INTS6: variants seen among roughly 807,000 people sequenced by gnomAD.
INTS6 encodes DEAD box protein.
INTS6 carries 16 observed loss-of-function variants against 104.9 expected under a neutral mutation model. The observed-to-expected ratio is 0.15, with a 90% CI of 0.10 to 0.23. The LOEUF (loss-of-function observed/expected upper bound fraction) is 0.23. INTS6 is among the 10% of genes least tolerant of loss of function. The pLI is 1.00. For missense variants in INTS6, 584 were observed against 1,062.8 expected (o/e 0.55, Z 6.26); for synonymous variants, 324 against 358.7 (o/e 0.90, Z 1.09).
At chr13:51,383,266 G>A in intron 9 of INTS6, 63 bp downstream of exon 9, 1 of 1,407,248 alleles carries the variant, frequency 7.1e-7, no homozygotes, top group Non-Finnish European at 9.6e-7. Flanking sequence ...AAACTACAAA[G>A]AAATGCGCTT....
At chr13:51,402,077 C>G (rs1956450773) in intron 4 of INTS6, among the ~76,000 whole-genome samples, 1 of 152,114 alleles carries the variant, frequency 6.6e-6, no homozygotes, top group African/African-American at 2.4e-5. Context: ...CCCCTAGTTA[C>G]TCTTCATACA....
chr13:51,415,718 TAG>T (rs1418420141), intron 4 of INTS6, among the ~76,000 whole-genome samples: 1 of 152,160 alleles, frequency 6.6e-6, no homozygotes, highest in Non-Finnish European at 1.5e-5. Flanking sequence ...AATGGAGTAG[TAG>T]AGTAATATAT....
At position 51,378,375 on chromosome 13, in the gene INTS6, C is replaced by A. The variant is rs373162022; in HGVS notation, c.1466G>T (p.Arg489Leu). Residue 489 changes from arginine to leucine, a missense_variant, in exon 12 of 18, where the codon CGA becomes CTA. Around this residue, in one of 5 missense-constraint regions of INTS6, gnomAD observed 74 missense variants for 64.4 expected, o/e 1.15. Transcript: ENST00000311234. Reference protein sequence around the residue: ...VQETGIKVRSRSHGLSMAYRK... With the variant: ...VQETGIKVRSLSHGLSMAYRK... ...ATATGCCATTGATAAACCATGTGAT[C>A]GGCTCCGGACTTTTATTCCAGTCTC... The A allele has an allele frequency of 4.3e-6, 7 of 1,613,218 alleles. No individual in the cohort carries two copies. The highest frequency in any genetic ancestry group is 2.2e-5 in the East Asian group (1 of 44,838).
the INTS6 span, chr13:51,348,671 C>A: frequency 3.5e-5 from 9 of 258,836 alleles, no homozygotes; most frequent in East Asian, 5.6e-4. Flanking sequence ...TCTGCCTTCA[C>A]TGGGCTGGAA....
intron 2 of INTS6, 113 bp downstream of exon 2, chr13:51,451,865 C>A: frequency 1.7e-6 from 1 of 598,778 alleles, no homozygotes; most frequent in Non-Finnish European, 2.8e-6. Flanking sequence ...CGGCTGGGAG[C>A]GCAGCGGGTG....
intron 3 of INTS6, chr13:51,444,318 T>C (rs1593776912): frequency 7.2e-6 from 1 of 139,274 alleles, no homozygotes; most frequent in South Asian, 2.4e-4. Flanking sequence ...TTGTCTAGGC[T>C]GGTCTCAAAC....
At chr13:51,425,907 T>A (rs1956976789) in intron 4 of INTS6, among the ~76,000 whole-genome samples, 1 of 151,912 alleles carries the variant, frequency 6.6e-6, no homozygotes, top group South Asian at 2.1e-4. Flanking sequence ...GAATTCAAAG[T>A]CCTATCAAAC....
chr13:51,449,609 A>G (rs1313730596), intron 3 of INTS6: 1 of 985,254 alleles, frequency 1.0e-6, no homozygotes, highest in Non-Finnish European at 1.2e-6. Context: ...ATGACAACCA[A>G]ATAAAGGTAA....
At chr13:51,415,030 A>G (rs1022959523) in intron 4 of INTS6, among the ~76,000 whole-genome samples, 1 of 152,134 alleles carries the variant, frequency 6.6e-6, no homozygotes, top group African/African-American at 2.4e-5. Flanking sequence ...GGTATACTAA[A>G]CAGATCTGCC....
rs775272150 is a variant in INTS6 at position 51,374,342 on chromosome 13, C to T, written c.1970G>A (p.Arg657His). The change falls in exon 15 of 18, where the codon CGT (arginine) becomes CAT (histidine). Residue 657 changes from arginine (R) to histidine (H), a missense_variant. Physicochemically the swap from Arg to His is conservative, Grantham distance 29. Transcript: ENST00000311234. The stretch of plus-strand genomic sequence containing the variant: ...TCTTAGTAGTGGAGACATACACCGA[C>T]GTCTTTTAGGGATCCCTTGCATATT... ...EPNMQGIPKR[R>H]RCMSPLLRGR... is the part of the protein sequence containing the mutation. The T allele has an allele frequency of 6.2e-6, 10 of 1,613,922 alleles. No homozygotes were observed. The highest frequency in any genetic ancestry group is 4.0e-5 in the African/African-American group (3 of 74,910).
intron 12 of INTS6, among the ~76,000 whole-genome samples, chr13:51,377,710 C>G (rs1955962290): frequency 6.6e-6 from 1 of 152,134 alleles, no homozygotes; most frequent in South Asian, 2.1e-4. Flanking sequence ...GCATGGATCA[C>G]TGTAGTAAGT....
the INTS6 span, chr13:51,348,497 G>T: frequency 3.5e-6 from 4 of 1,144,482 alleles, no homozygotes; most frequent in Non-Finnish European, 1.3e-6. Flanking sequence ...TGCCTCCAGG[G>T]TCTGTGCTTA....
the INTS6 span, among the ~76,000 whole-genome samples, chr13:51,342,545 G>T: frequency 6.6e-6 from 1 of 152,172 alleles, no homozygotes; most frequent in Non-Finnish European, 1.5e-5. Context: ...TGTTCTTCCT[G>T]TGTGCAAATG....
At chr13:51,349,773 A>T (rs1251224897), downstream of INTS6, among the ~76,000 whole-genome samples, 1 of 152,230 alleles carries the variant, frequency 6.6e-6, no homozygotes, top group East Asian at 1.9e-4. Flanking sequence ...GCAAGGCAGA[A>T]ATCTTAGTAA....
At chr13:51,439,636 T>A (rs1303693466) in intron 3 of INTS6, 2 of 152,150 alleles carry the variant, frequency 1.3e-5, no homozygotes, top group African/African-American at 2.4e-5. Flanking sequence ...TAAACCCCCA[T>A]CCCAACCATC....
At position 51,363,953 on chromosome 13, in the gene INTS6, T is replaced by C; in HGVS notation, c.*1799A>G. ...TCAATATTGGGATGGGCTGAATCTC[T>C]TTCCTAGATACTCTTGTTAAGTATG... On this transcript the variant is annotated 3_prime_UTR_variant, in exon 18 of 18. Coordinates refer to ENST00000311234, the MANE Select transcript of INTS6 (RefSeq NM_012141.3). 1 of 224,576 alleles carries C rather than the reference T, an allele frequency of 4.5e-6. No individual in the cohort carries two copies. 13.9% of individuals were successfully genotyped at this position (224,576 alleles called of 1,614,324 possible).
At position 51,382,519 on chromosome 13, in the gene INTS6, T is replaced by C. The variant is rs988854510; in HGVS notation, c.1181-396A>G. ...GGTAAGTTTTCTCCAACAGCACTCCTCAAAAATGATAGCTAGATTGTACCC... is the reference window on the plus strand; with the variant it reads ...GGTAAGTTTTCTCCAACAGCACTCCCCAAAAATGATAGCTAGATTGTACCC... On this transcript the variant is annotated intron_variant, in intron 9 of 17. Coordinates refer to ENST00000311234, the MANE Select transcript of INTS6 (RefSeq NM_012141.3). Among the ~76,000 whole-genome samples, 4 of 152,356 alleles carry C rather than the reference T, an allele frequency of 2.6e-5. No homozygotes were observed. In the South Asian group the frequency reaches 8.3e-4, roughly 32 times the overall value.
chr13:51,414,214 C>G (rs1014116742), intron 4 of INTS6, among the ~76,000 whole-genome samples: 1 of 152,174 alleles, frequency 6.6e-6, no homozygotes, highest in Admixed American at 6.5e-5. Flanking sequence ...GTAGAAGAAA[C>G]CTGGAACCCT....
At chr13:51,410,578 A>T (rs1188681190) in intron 4 of INTS6, among the ~76,000 whole-genome samples, 3 of 152,206 alleles carry the variant, frequency 2.0e-5, no homozygotes, top group Non-Finnish European at 4.4e-5. Context: ...TATTTCTCTC[A>T]AAGTAAGGGC....
Sources: allele counts gnomAD v4.1 joint callset (sites outside exome capture counted in the v4.1 genomes callset), GRCh38; gene constraint gnomAD v4.1.1; regional missense constraint gnomAD v4.1.1; transcripts MANE v1.5; gene names NCBI Gene and HGNC (gene_info 2026-07-23, HGNC 2026-07-21).